Variants in CHODL observed in about 807,000 individuals in gnomAD.
CHODL encodes chondrolectin.
Under a neutral mutation model 34.5 loss-of-function variants are expected in CHODL, and 29 were observed. The ratio of observed to expected loss-of-function variants is 0.84; its 90% CI spans 0.63 to 1.15. CHODL has a LOEUF of 1.15. Ranked by LOEUF, CHODL falls within the 50% of genes most tolerant of loss-of-function variation. CHODL has a pLI of 0.00. For missense variants in CHODL, 332 were observed against 332.5 expected, an observed-to-expected ratio of 1.00 and a Z score of 0.01; for synonymous variants, 125 against 116.1, an observed-to-expected ratio of 1.08 and a Z score of -0.49.
Position 18,251,725 on chromosome 21 carries a change from ATATTTATTT to A in CHODL, c.80-4765_80-4757del, listed in dbSNP as rs1375228493. ...TTATTTATTTTAATATATAAAATAA[ATATTTATTT>A]TATTTATTTTATTTATTTATTTTAA... On this transcript the variant is annotated intron_variant, in intron 1 of 5. Transcript: ENST00000299295. Among the ~76,000 whole-genome samples the A allele has an allele frequency of 2.1e-4, 24 of 114,772 alleles. 1 individual carries two copies. Among genetic ancestry groups the A allele is most frequent in the Admixed American group, 7.8e-4 (9 of 11,496 alleles). 75.3% of individuals were successfully genotyped at this position (114,772 alleles called of 152,430 possible).
chr21:18,114,544 C>G (rs929291644), intron 2 of CHODL, among the ~76,000 whole-genome samples: 20 of 152,098 alleles, frequency 1.3e-4, no homozygotes, highest in African/African-American at 4.8e-4. Flanking sequence ...CCTCTGTCTC[C>G]TCGGTTTAAG....
rs1253290627 is a variant in CHODL, at chr21:17,971,070, T to G, written c.-145+53670T>G. Reference sequence around the variant, plus strand: ...CCTACAAAGGACATGAATGCATCATTTTTTATGGCTACATAGTATTCCATG... The same window carrying G: ...CCTACAAAGGACATGAATGCATCATGTTTTATGGCTACATAGTATTCCATG... On this transcript the variant is annotated intron_variant, in intron 1 of 6. Transcript: ENST00000400127. Among the ~76,000 whole-genome samples the G allele has an allele frequency of 3.9e-5, 6 of 152,220 alleles. No individual in the cohort carries two copies. The East Asian group carries it at 1.2e-3, about 29-fold the overall frequency.
intron 1 of CHODL, among the ~76,000 whole-genome samples, chr21:17,946,406 CG>C (rs1267229866): frequency 6.6e-6 from 1 of 152,078 alleles, no homozygotes; most frequent in African/African-American, 2.4e-5. Flanking sequence ...GGCGACAAAG[CG>C]AGACAGAGAT....
chr21:18,060,699 C>T (rs1036834576), intron 2 of CHODL, among the ~76,000 whole-genome samples: 1 of 118,030 alleles, frequency 8.5e-6, no homozygotes, highest in Non-Finnish European at 1.8e-5. Context: ...GTAAATCTTA[C>T]TCCTCGGACC....
chr21:17,926,375 GGTTTT>G (rs1285212246), intron 1 of CHODL, among the ~76,000 whole-genome samples: 4 of 60,540 alleles, frequency 6.6e-5, no homozygotes, highest in African/African-American at 1.3e-4. Flanking sequence ...AAATAAGGTG[GGTTTT>G]TTTTTTTTTT....
intron 1 of CHODL, among the ~76,000 whole-genome samples, chr21:17,953,540 A>C (rs979812029): frequency 6.6e-6 from 1 of 152,222 alleles, no homozygotes; most frequent in African/African-American, 2.4e-5. Flanking sequence ...TCAAACCAAA[A>C]GAAGAGAGAA....
At chr21:17,984,189 A>G (rs2063735983) in intron 1 of CHODL, among the ~76,000 whole-genome samples, 1 of 152,198 alleles carries the variant, frequency 6.6e-6, no homozygotes, top group African/African-American at 2.4e-5. Context: ...TTCATTTAGC[A>G]TAGTGGTCTT....
At chr21:17,919,634 C>T (rs1447312882) in intron 1 of CHODL, among the ~76,000 whole-genome samples, 1 of 152,136 alleles carries the variant, frequency 6.6e-6, no homozygotes, top group East Asian at 1.9e-4. Flanking sequence ...CTGACATGCC[C>T]TGGAGACATT....
At chr21:18,210,287 A>G (rs970931936) in intron 2 of CHODL, among the ~76,000 whole-genome samples, 3 of 152,136 alleles carry the variant, frequency 2.0e-5, no homozygotes, top group East Asian at 3.9e-4. Context: ...TTCCAGTGCA[A>G]TGTCCCACAA....
At chr21:18,058,146 A>C (rs1188231124) in intron 2 of CHODL, among the ~76,000 whole-genome samples, 1 of 152,112 alleles carries the variant, frequency 6.6e-6, no homozygotes, top group East Asian at 1.9e-4. Context: ...TCCTTCTCAC[A>C]ATGAGAGATC....
At chr21:17,935,994 AATTTTTTAGACAGG>A (rs1329180185) in intron 1 of CHODL, among the ~76,000 whole-genome samples, 5 of 152,196 alleles carry the variant, frequency 3.3e-5, no homozygotes, top group African/African-American at 1.2e-4. Flanking sequence ...TGAGCCTGGC[AATTTTTTAGACAGG>A]GGCTGCTTTA....
intron 1 of CHODL, among the ~76,000 whole-genome samples, chr21:17,945,781 G>A (rs1203181079): frequency 6.6e-6 from 1 of 152,110 alleles, no homozygotes; most frequent in Non-Finnish European, 1.5e-5. Context: ...ATTCAAAGAG[G>A]AGTATACTAA....
At chr21:18,233,834 A>G (rs1350083663) in intron 2 of CHODL, among the ~76,000 whole-genome samples, 4 of 152,294 alleles carry the variant, frequency 2.6e-5, no homozygotes, top group Middle Eastern at 3.4e-3. Flanking sequence ...GTGACTTACA[A>G]CAATAAATAT....
At chr21:18,147,541 A>G (rs2146621104) in intron 2 of CHODL, among the ~76,000 whole-genome samples, 1 of 152,372 alleles carries the variant, frequency 6.6e-6, no homozygotes, top group Non-Finnish European at 1.5e-5. Flanking sequence ...TTATTTTCTT[A>G]TAATCACAGG....
At chr21:18,205,863 T>C (rs930054251) in intron 2 of CHODL, among the ~76,000 whole-genome samples, 1 of 151,908 alleles carries the variant, frequency 6.6e-6, no homozygotes, top group Non-Finnish European at 1.5e-5. Context: ...CAACGTCCCA[T>C]GTAGCTTGGA....
At chr21:18,056,508 C>G (rs569680343) in intron 2 of CHODL, among the ~76,000 whole-genome samples, 7 of 150,352 alleles carry the variant, frequency 4.7e-5, no homozygotes, top group African/African-American at 1.7e-4. Context: ...TGGGGCATTC[C>G]CTAAGGTGTT....
chr21:18,217,827 A>G (rs993255809), intron 2 of CHODL, among the ~76,000 whole-genome samples: 1 of 152,168 alleles, frequency 6.6e-6, no homozygotes, highest in African/African-American at 2.4e-5. Flanking sequence ...TAAAATGGGG[A>G]AATATTGGCC....
At chr21:17,961,760 A>G (rs1163242725) in intron 1 of CHODL, among the ~76,000 whole-genome samples, 3 of 152,234 alleles carry the variant, frequency 2.0e-5, no homozygotes, top group South Asian at 2.1e-4. Context: ...GATTTTTGTT[A>G]AAGACTAATA....
intron 1 of CHODL, among the ~76,000 whole-genome samples, chr21:18,251,825 T>C (rs924830163): frequency 3.4e-5 from 5 of 148,572 alleles, no homozygotes; most frequent in Admixed American, 1.4e-4. Context: ...AAATATTCTA[T>C]AAAATATTTC....
Sources: allele counts gnomAD v4.1 joint callset (sites outside exome capture counted in the v4.1 genomes callset), GRCh38; gene constraint gnomAD v4.1.1; transcripts MANE v1.5; gene names NCBI Gene and HGNC (gene_info 2026-07-23, HGNC 2026-07-21).